Variants in ABLIM1 observed in about 807,000 individuals in gnomAD.
ABLIM1 encodes the protein actin-binding LIM protein 1.
A neutral mutation model predicts 107.0 loss-of-function variants in ABLIM1; 40 were observed. That is an observed-to-expected ratio of 0.37 (90% CI 0.29 to 0.49). The LOEUF (loss-of-function observed/expected upper bound fraction) is 0.49, where lower values mean the gene tolerates loss of function less well. Ranked by LOEUF, ABLIM1 falls within the 20% of genes least tolerant of loss-of-function variation. The pLI, the probability that ABLIM1 is intolerant of heterozygous loss-of-function variation, is 0.97. For missense variants in ABLIM1, 857 were observed against 1,008.5 expected, an observed-to-expected ratio of 0.85 and a Z score of 2.04; for synonymous variants, 357 against 357.3, an observed-to-expected ratio of 1.00 and a Z score of 0.01.
At chr10:114,755,132 C>G (rs1051199887) in intron 1 of ABLIM1, among the ~76,000 whole-genome samples, 5 of 152,184 alleles carry the variant, frequency 3.3e-5, no homozygotes, top group Non-Finnish European at 7.3e-5. Context: ...AGCAGGCAAG[C>G]GAGCATTACC....
At chr10:114,783,880 A>T in the ABLIM1 span, among the ~76,000 whole-genome samples, 1 of 152,218 alleles carries the variant, frequency 6.6e-6, no homozygotes, top group Non-Finnish European at 1.5e-5. Context: ...CCAGGGCAAC[A>T]CAGCTGCTGA....
At chr10:114,795,579 C>T in the ABLIM1 span, among the ~76,000 whole-genome samples, 43 of 152,078 alleles carry the variant, frequency 2.8e-4, 1 homozygote, top group South Asian at 8.9e-3. Context: ...CGTGGTGGCA[C>T]GAGCCTGTAG....
chr10:114,696,688 A>G (rs569422581), intron 1 of ABLIM1, among the ~76,000 whole-genome samples: 79 of 152,280 alleles, frequency 5.2e-4, no homozygotes, highest in African/African-American at 1.8e-3. Context: ...CATGTAAGAC[A>G]TGCCTTTCAC....
At chr10:114,552,282 T>C (rs1305909655) in intron 4 of ABLIM1, among the ~76,000 whole-genome samples, 1 of 152,180 alleles carries the variant, frequency 6.6e-6, no homozygotes, top group African/African-American at 2.4e-5. Flanking sequence ...AAGAACAAAA[T>C]GTCCTACTCT....
intron 1 of ABLIM1, among the ~76,000 whole-genome samples, chr10:114,757,514 G>A (rs1419212337): frequency 3.3e-5 from 5 of 152,130 alleles, no homozygotes; most frequent in Admixed American, 6.5e-5. Context: ...CCCAGTTGCT[G>A]AAAGAATTGG....
At chr10:114,775,678 CTTATA>C in the ABLIM1 span, among the ~76,000 whole-genome samples, 6 of 152,004 alleles carry the variant, frequency 3.9e-5, no homozygotes, top group Non-Finnish European at 8.8e-5. Context: ...GGCACTGATT[CTTATA>C]TTATTGAACT....
chr10:114,769,520 G>C (rs1450640313), upstream of ABLIM1, among the ~76,000 whole-genome samples: 2 of 149,578 alleles, frequency 1.3e-5, no homozygotes, highest in Non-Finnish European at 3.0e-5. Context: ...AGGAAGGAAG[G>C]GAAGGAGAAA....
chr10:114,634,281 C>T (rs938350138), intron 1 of ABLIM1, among the ~76,000 whole-genome samples: 29 of 148,628 alleles, frequency 2.0e-4, no homozygotes, highest in Admixed American at 9.4e-4. Flanking sequence ...TACAGGCGCC[C>T]GCTACCACGC....
At chr10:114,755,333 C>G (rs968190147) in intron 1 of ABLIM1, among the ~76,000 whole-genome samples, 1 of 152,222 alleles carries the variant, frequency 6.6e-6, no homozygotes, top group African/African-American at 2.4e-5. Flanking sequence ...GAAAAACTGT[C>G]TTCCACGAAA....
chr10:114,602,067 A>G, intron 1 of ABLIM1, 106 bp from the exon 2 acceptor site: 6 of 1,439,464 alleles, frequency 4.2e-6, no homozygotes, highest in Non-Finnish European at 4.8e-6. Context: ...ACAGAGATTG[A>G]TTCGACAGTG....
intron 2 of ABLIM1, among the ~76,000 whole-genome samples, chr10:114,596,393 T>C (rs1245030323): frequency 2.0e-5 from 3 of 152,234 alleles, no homozygotes; most frequent in East Asian, 1.9e-4. Context: ...GCATGGAGTA[T>C]GTGTTCAATT....
Position 114,543,872 on chromosome 10 carries a change from G to A in ABLIM1, c.894+1133C>T, listed in dbSNP as rs186938000. ...CCCAGAACCCTCTTCCTCGGGCTAA[G>A]AGGCAACTGCATTTGACCACAACCA... On this transcript the variant is annotated intron_variant, in intron 6 of 22. Coordinates refer to ENST00000533213, the MANE Select transcript of ABLIM1 (RefSeq NM_002313.7). 8.5e-5 allele frequency among the ~76,000 whole-genome samples: 13 copies of A among 152,298 alleles called. No homozygotes were observed. In the East Asian group the frequency reaches 2.5e-3, roughly 29 times the overall value.
At chr10:114,554,534 C>A (rs1401870920) in intron 4 of ABLIM1, among the ~76,000 whole-genome samples, 1 of 152,164 alleles carries the variant, frequency 6.6e-6, no homozygotes, top group Non-Finnish European at 1.5e-5. Context: ...CCCGTCTCTA[C>A]AGAAAATAGA....
chr10:114,729,654 A>G (rs1477969903), intron 1 of ABLIM1, among the ~76,000 whole-genome samples: 1 of 152,132 alleles, frequency 6.6e-6, no homozygotes, highest in Non-Finnish European at 1.5e-5. Context: ...GACTGAGAAA[A>G]TGAGACCATA....
intron 13 of ABLIM1, 144 bp downstream of exon 13, chr10:114,453,235 C>T (rs2062160548): frequency 5.2e-6 from 4 of 771,526 alleles, no homozygotes; most frequent in South Asian, 1.7e-5. Context: ...TTTTGAAAGG[C>T]CCCCTAGGTC....
chr10:114,461,325 A>C (rs979473724), intron 12 of ABLIM1, among the ~76,000 whole-genome samples: 2 of 151,978 alleles, frequency 1.3e-5, no homozygotes, highest in African/African-American at 4.8e-5. Flanking sequence ...CCTCAGCAGA[A>C]ATAACCAAAA....
At chr10:114,630,956 G>A (rs1192176320) in intron 1 of ABLIM1, among the ~76,000 whole-genome samples, 3 of 152,170 alleles carry the variant, frequency 2.0e-5, no homozygotes, top group Non-Finnish European at 4.4e-5. Context: ...ATATTCATAT[G>A]TGTCTGTCTC....
intron 6 of ABLIM1, among the ~76,000 whole-genome samples, chr10:114,537,134 G>T (rs1397325977): frequency 6.6e-6 from 1 of 152,072 alleles, no homozygotes; most frequent in African/African-American, 2.4e-5. Context: ...CAAATTATTT[G>T]TTTTCTGTAA....
intron 1 of ABLIM1, among the ~76,000 whole-genome samples, chr10:114,741,719 A>G (rs2082292593): frequency 6.6e-6 from 1 of 152,224 alleles, no homozygotes; most frequent in Admixed American, 6.5e-5. Flanking sequence ...TCACAAAATA[A>G]GTATATGGAT....
Sources: gnomAD v4.1 joint callset for allele counts (sites outside exome capture counted in the v4.1 genomes callset) on GRCh38, gnomAD v4.1.1 for gene constraint, MANE v1.5 for transcripts, NCBI Gene and HGNC (gene_info 2026-07-23, HGNC 2026-07-21) for gene names.